The following UBR4 variants were observed in gnomAD, a reference collection of about 807,000 sequenced individuals.
UBR4 encodes the protein ubiquitin protein ligase E3 component n-recognin 4.
In UBR4, 124 loss-of-function variants were observed where a neutral mutation model predicts 575.6. That is an observed-to-expected ratio of 0.22 (90% CI 0.19 to 0.25). The LOEUF is 0.25. Ranked by LOEUF, UBR4 falls within the 10% of genes least tolerant of loss-of-function variation. The probability of loss-of-function intolerance (pLI) is 1.00; values close to 1 mark genes in which losing one functional copy is unlikely to be tolerated. For missense variants in UBR4, 4,818 were observed against 6,478.8 expected (o/e 0.74, Z 8.80); for synonymous variants, 2,455 against 2,473.7 (o/e 0.99, Z 0.22).
At chr1:19,127,413 G>T (rs1166873540) in intron 63 of UBR4, among the ~76,000 whole-genome samples, 1 of 152,196 alleles carries the variant, frequency 6.6e-6, no homozygotes, top group East Asian at 1.9e-4. Flanking sequence ...CCCCTCCATT[G>T]GAGGGATTGT....
intron 13 of UBR4, among the ~76,000 whole-genome samples, chr1:19,186,919 A>G (rs1475671331): frequency 3.3e-5 from 5 of 152,104 alleles, no homozygotes; most frequent in Non-Finnish European, 1.5e-5. Flanking sequence ...ATCACCAAGT[A>G]GCCACGTGTA....
Position 19,115,059 on chromosome 1 carries a change from G to A in UBR4, c.11064-110C>T, listed in dbSNP as rs190473757. 28 of 1,462,996 alleles carry A rather than the reference G, an allele frequency of 1.9e-5. No individual in the cohort carries two copies. In the East Asian group the frequency reaches 2.5e-4, roughly 13 times the overall value. 90.6% of individuals were successfully genotyped at this position (1,462,996 alleles called of 1,614,324 possible). A position where few individuals can be genotyped will look rare whatever the true frequency, so the allele number is the denominator to read the frequency against. On this transcript the variant is annotated intron_variant, in intron 74 of 105. Coordinates refer to ENST00000375254, the MANE Select transcript of UBR4 (RefSeq NM_020765.3). ...TTATATACTCTGGTAACTACTGCAG[G>A]GGCTACTGAAGGGACAATAACAAAT...
intron 93 of UBR4, 132 bp from the exon 94 acceptor site, chr1:19,095,157 T>A (rs1000065554): frequency 1.5e-6 from 2 of 1,338,678 alleles, no homozygotes; most frequent in African/African-American, 2.9e-5. Flanking sequence ...TGTGTATGTA[T>A]GTGCGTGTAT....
chr1:19,087,978 TC>T, intron 98 of UBR4, 49 bp from the exon 99 acceptor site: 1 of 1,456,690 alleles, frequency 6.9e-7, no homozygotes, highest in Non-Finnish European at 9.5e-7. Flanking sequence ...ACACACCCTC[TC>T]CCACCCTAGC....
At chr1:19,165,854 C>T in intron 29 of UBR4, 97 bp from the exon 30 acceptor site, 1 of 1,062,396 alleles carries the variant, frequency 9.4e-7, no homozygotes, top group Non-Finnish European at 1.3e-6. Flanking sequence ...GTCTGTTTGA[C>T]CTTGAGGGCA....
chr1:19,187,427 G>A lies in UBR4; in HGVS notation c.1494+14C>T. 1 of 1,613,964 alleles carries A rather than the reference G, an allele frequency of 6.2e-7. No homozygotes were observed. Among genetic ancestry groups the A allele is most frequent in the Non-Finnish European group, 8.5e-7 (1 of 1,179,896 alleles). ...CAATCAATATGCTGATTACCATGGG[G>A]ATAACCTCCTCACCTTGTGAAGGGC... On this transcript the variant is annotated intron_variant, in intron 12 of 105. Coordinates refer to ENST00000375254, the MANE Select transcript of UBR4 (RefSeq NM_020765.3).
At chr1:19,090,869 C>G (rs1043549445) in intron 97 of UBR4, among the ~76,000 whole-genome samples, 1 of 152,064 alleles carries the variant, frequency 6.6e-6, no homozygotes, top group Non-Finnish European at 1.5e-5. Context: ...CTGAGGGGAG[C>G]GGATCACCTG....
chr1:19,146,776 T>C (rs1372696177), intron 52 of UBR4, 50 bp downstream of exon 52: 28 of 1,570,580 alleles, frequency 1.8e-5, no homozygotes, highest in East Asian at 2.3e-5. Flanking sequence ...AGAGGGTAAA[T>C]AGGCATATGA....
Position 19,186,656 on chromosome 1 carries a change from G to T in UBR4, c.1634C>A (p.Ala545Glu). 6.2e-7 allele frequency: 1 copy of T among 1,613,568 alleles called. No individual in the cohort carries two copies. Among genetic ancestry groups the T allele is most frequent in the Non-Finnish European group, 8.5e-7 (1 of 1,179,644 alleles). ...CTTCCTCTGCCGCTGCAGGACACAT[G>T]CCTAGGAAAATGACAATTACAAAAC... ...LTLLSTSYRK[A>E]CVLQRQRKGS... Residue 545 changes from alanine (A) to glutamate (E), a missense_variant and splice_region_variant, in exon 14 of 106, where the codon GCA (alanine) becomes GAA (glutamate). Around this residue, in one of 29 missense-constraint regions of UBR4, gnomAD observed 162 missense variants for 216.4 expected, o/e 0.75. Coordinates refer to ENST00000375254, the MANE Select transcript of UBR4 (RefSeq NM_020765.3).
intron 65 of UBR4, 135 bp downstream of exon 65, chr1:19,124,406 G>T: frequency 1.6e-6 from 2 of 1,218,820 alleles, no homozygotes; most frequent in Non-Finnish European, 2.2e-6. Context: ...AGAAGGGCAA[G>T]ACCAAGACCT....
intron 22 of UBR4, 66 bp from the exon 23 acceptor site, chr1:19,173,687 G>C (rs2089892326): frequency 2.0e-6 from 3 of 1,466,686 alleles, no homozygotes. Context: ...CTCACAGTAC[G>C]AACTACTCCA....
chr1:19,078,506 A>C (rs960738320), intron 103 of UBR4: 15 of 165,568 alleles, frequency 9.1e-5, no homozygotes, highest in African/African-American at 3.6e-4. Flanking sequence ...CATTCCCACT[A>C]GGAGAAATTT....
rs752281877 is a variant in UBR4 at position 19,175,077 on chromosome 1, CTCTA to C, written c.2774-48_2774-45del. 10 of 1,514,890 alleles carry C rather than the reference CTCTA, an allele frequency of 6.6e-6. No homozygotes were observed. The African/African-American group carries it at 6.9e-5, about 10-fold the overall frequency. 93.8% of individuals were successfully genotyped at this position (1,514,890 alleles called of 1,614,324 possible). A position where few individuals can be genotyped will look rare whatever the true frequency, so the allele number is the denominator to read the frequency against. On this transcript the variant is annotated intron_variant, in intron 20 of 105. Transcript: ENST00000375254. The stretch of plus-strand genomic sequence containing the variant: ...ATTAAAAGAATGGTTCCATTCTTAA[CTCTA>C]TCTGACTAGTATGCAATGTAAAACT...
At chr1:19,078,127 A>G in intron 103 of UBR4, 61 bp from the exon 104 acceptor site, 1 of 1,542,102 alleles carries the variant, frequency 6.5e-7, no homozygotes, top group Non-Finnish European at 8.9e-7. Flanking sequence ...ACAAGGACAG[A>G]GCAAGGCATG....
rs2091633257 is a variant in UBR4, at chr1:19,187,208, G to A, written c.1588C>T (p.Leu530=). 1.9e-6 allele frequency: 3 copies of A among 1,613,774 alleles called. No individual in the cohort carries two copies. Among genetic ancestry groups the A allele is most frequent in the Middle Eastern group, 1.7e-4 (1 of 6,058 alleles). ...RIQRLIDSVP[L]MNLLLTLLST... is the part of the protein sequence containing the mutation. ...AGTAACGTCAAGAGCAGGTTCATCA[G>A]TGGGACAGAGTCAATCAGCCGTTGA... Residue 530 remains leucine, a synonymous_variant, in exon 13 of 106, where the codon CTG becomes TTG. Transcript: ENST00000375254.
chr1:19,116,214 A>C (rs2080511118), intron 73 of UBR4, among the ~76,000 whole-genome samples: 1 of 152,228 alleles, frequency 6.6e-6, no homozygotes, highest in Non-Finnish European at 1.5e-5. Flanking sequence ...TAAACCCTGG[A>C]AGTGGGGTCC....
At chr1:19,074,970 G>A (rs2075776074) in intron 105 of UBR4, 74 bp from the exon 106 acceptor site, 12 of 1,500,460 alleles carry the variant, frequency 8.0e-6, no homozygotes, top group South Asian at 2.3e-5. Flanking sequence ...CACAGCTGCC[G>A]CATCTAGCAG....
chr1:19,198,068 C>T lies in UBR4; in HGVS notation c.649-19G>A. The T allele has an allele frequency of 6.2e-7, 1 of 1,609,802 alleles. No homozygotes were observed. The highest frequency in any genetic ancestry group is 8.5e-7 in the Non-Finnish European group (1 of 1,177,520). On this transcript the variant is annotated intron_variant, in intron 5 of 105. Coordinates refer to ENST00000375254, the MANE Select transcript of UBR4 (RefSeq NM_020765.3). The stretch of plus-strand genomic sequence containing the variant: ...CTTCCACCTGAAAAGAAACATAAGG[C>T]CTGTCAAGATACTATTATCTCTTCA...
chr1:19,121,898 T>C (rs779077138), intron 67 of UBR4, 36 bp downstream of exon 67: 2 of 1,612,300 alleles, frequency 1.2e-6, no homozygotes, highest in Admixed American at 1.7e-5. Context: ...CCTGAATGAA[T>C]GAATAACAGC....
Sources: gnomAD v4.1 joint callset for allele counts (sites outside exome capture counted in the v4.1 genomes callset) on GRCh38, gnomAD v4.1.1 for gene constraint, gnomAD v4.1.1 regional missense constraint, MANE v1.5 for transcripts, NCBI Gene and HGNC (gene_info 2026-07-23, HGNC 2026-07-21) for gene names.